ITGA5: variants seen among roughly 807,000 people sequenced by gnomAD.
ITGA5 encodes the protein integrin subunit alpha 5, also known as integrin alpha-5.
In ITGA5, 55 loss-of-function variants were observed where a neutral mutation model predicts 146.3. That is an observed-to-expected ratio of 0.38 (90% confidence interval 0.30 to 0.47). The LOEUF (loss-of-function observed/expected upper bound fraction) is 0.47, where lower values mean the gene tolerates loss of function less well. ITGA5 is among the 20% of genes least tolerant of loss of function. The probability of loss-of-function intolerance (pLI) is 0.99; values close to 1 mark genes in which losing one functional copy is unlikely to be tolerated. For synonymous variants in ITGA5, 500 were observed against 531.8 expected, an observed-to-expected ratio of 0.94 and a Z score of 0.82; for missense variants, 1,131 against 1,329.0, an observed-to-expected ratio of 0.85 and a Z score of 2.32.
At position 54,403,196 on chromosome 12, in the gene ITGA5, T is replaced by C; in HGVS notation, c.1905A>G (p.Ile635Met). Residue 635 changes from isoleucine (I) to methionine (M), a missense_variant, in exon 18 of 30, where the codon ATA becomes ATG. Physicochemically the swap from Ile to Met is conservative, Grantham distance 10 (BLOSUM62 1). This residue lies in a region of ITGA5 where 889 missense variants were observed against 1,021.5 expected (regional missense o/e 0.87). Transcript: ENST00000293379. This position sits in a 1 kb window ranked among gnomAD's most constrained non-coding sequence, Gnocchi z 4.9. ...CCTGCCCTGTCCTCACCTTGTCCTC[T>C]ATCCGGCTCTTGCTCTGATAATGTA... The part of the protein sequence containing the change: ...PALHYQSKSR[I>M]EDKAQILLDC... 9 of 1,559,324 alleles carry C rather than the reference T, an allele frequency of 5.8e-6. No homozygotes were observed. Among genetic ancestry groups the C allele is most frequent in the Non-Finnish European group, 7.8e-6 (9 of 1,154,016 alleles).
chr12:54,404,894 T>G lies in ITGA5; in HGVS notation c.1226A>C (p.Asp409Ala). 1 of 1,568,058 alleles carries G rather than the reference T, an allele frequency of 6.4e-7. No individual in the cohort carries two copies. Among genetic ancestry groups the G allele is most frequent in the South Asian group, 1.2e-5 (1 of 83,260 alleles). Residue 409 changes from aspartate to alanine, a missense_variant and splice_region_variant, in exon 13 of 30, where the codon GAT becomes GCT. Physicochemically the swap from Asp to Ala is moderately radical, Grantham distance 126. Around this residue, in one of 3 missense-constraint regions of ITGA5, gnomAD observed 889 missense variants for 1,021.5 expected, o/e 0.87. Transcript: ENST00000293379. ...LGDLDQDGYN[D>A]VAIGAPFGGE... is the part of the protein sequence containing the mutation. ...ACCAAAGGGAGCCCCGATGGCCACA[T>G]CTGGAAGACACAGAACACACACTAG... is the stretch of plus-strand genomic sequence containing the variant.
intron 13 of ITGA5, 56 bp downstream of exon 13, chr12:54,404,647 T>A: frequency 6.6e-7 from 1 of 1,525,308 alleles, no homozygotes; most frequent in South Asian, 1.1e-5. Context: ...GAAGAGAGAG[T>A]AGGGGTCAGT....
rs1447900283 is a variant in ITGA5 at position 54,403,294 on chromosome 12, G to A, written c.1807C>T (p.Pro603Ser). 10 of 1,542,752 alleles carry A rather than the reference G, an allele frequency of 6.5e-6. 1 individual carries two copies. In the South Asian group the frequency reaches 1.3e-4, roughly 19 times the overall value. ...NESEFRDKLS[P>S]IHIALNFSLD... The stretch of plus-strand genomic sequence containing the variant: ...GAGAAGTTGAGAGCGATGTGAATCG[G>A]CGAGAGTTTGTCTCGAAATTCTGAC... Residue 603 changes from proline to serine, a missense_variant, in exon 18 of 30, where the codon CCG becomes TCG. By Grantham distance (74) the Pro-to-Ser change is moderately conservative. Coordinates refer to ENST00000293379, the MANE Select transcript of ITGA5 (RefSeq NM_002205.5). This position sits in a 1 kb window ranked among gnomAD's most constrained non-coding sequence, Gnocchi z 4.9.
rs549987189 is a variant in ITGA5, at chr12:54,398,081, A to G, written c.2943+516T>C. Among the ~76,000 whole-genome samples the G allele has an allele frequency of 2.6e-5, 4 of 152,196 alleles. No homozygotes were observed. The East Asian group carries it at 7.7e-4, about 29-fold the overall frequency. On this transcript the variant is annotated intron_variant, in intron 28 of 29. Coordinates refer to ENST00000293379, the MANE Select transcript of ITGA5 (RefSeq NM_002205.5). Reference sequence around the variant, plus strand: ...TCTGGCTAATTTTTGTATTTTTTGTAGAGACAGGATCTCACTATGTTGCCC... The same window carrying G: ...TCTGGCTAATTTTTGTATTTTTTGTGGAGACAGGATCTCACTATGTTGCCC...
chr12:54,406,743 C>T (rs556674751), intron 9 of ITGA5, among the ~76,000 whole-genome samples: 1 of 152,324 alleles, frequency 6.6e-6, no homozygotes, highest in South Asian at 2.1e-4. Flanking sequence ...GCCCTCCTGC[C>T]TCATCTCTGC....
In ITGA5 at chr12:54,404,486, T is replaced by C. The variant is rs957352324; in HGVS notation, c.1418-11A>G. 6.2e-7 allele frequency: 1 copy of C among 1,613,912 alleles called. No homozygotes were observed. The highest frequency in any genetic ancestry group is 1.3e-5 in the African/African-American group (1 of 74,900). On this transcript the variant is annotated splice_polypyrimidine_tract_variant and intron_variant, in intron 13 of 29. Transcript: ENST00000293379. Reference sequence around the variant, plus strand: ...ACCCCACAATCAGATCTGTAAGAAGTCAAGAAATCACCTCTTACAGCAAGC... The same window carrying C: ...ACCCCACAATCAGATCTGTAAGAAGCCAAGAAATCACCTCTTACAGCAAGC...
rs531869637 is a variant in ITGA5, at chr12:54,398,070, G to A, written c.2943+527C>T. 9.9e-5 allele frequency among the ~76,000 whole-genome samples: 15 copies of A among 152,092 alleles called. No homozygotes were observed. In the South Asian group the frequency reaches 1.0e-3, roughly 11 times the overall value. On this transcript the variant is annotated intron_variant, in intron 28 of 29. Transcript: ENST00000293379. ...GCGCCACCACATCTGGCTAATTTTT[G>A]TATTTTTTGTAGAGACAGGATCTCA...
In ITGA5 at chr12:54,396,199, A is replaced by T. The variant is rs1955707190; in HGVS notation, c.*94T>A. ...GGAGAGGAGCTTCTCCCTGGCCGTC[A>T]GCACCTTCAAGAAGTACCCAGACCC... On this transcript the variant is annotated 3_prime_UTR_variant, in exon 30 of 30. Coordinates refer to ENST00000293379, the MANE Select transcript of ITGA5 (RefSeq NM_002205.5). 2 of 1,001,404 alleles carry T rather than the reference A, an allele frequency of 2.0e-6. No homozygotes were observed. The highest frequency in any genetic ancestry group is 3.9e-5 in the Admixed American group (2 of 50,640). 62.0% of individuals were successfully genotyped at this position (1,001,404 alleles called of 1,614,324 possible).
At chr12:54,398,108 G>A (rs1457419511) in intron 28 of ITGA5, among the ~76,000 whole-genome samples, 3 of 152,092 alleles carry the variant, frequency 2.0e-5, no homozygotes, top group African/African-American at 7.2e-5. Context: ...ATGTTGCCCA[G>A]GTTGATCTTG....
At position 54,404,250 on chromosome 12, in the gene ITGA5, C is replaced by T; in HGVS notation, c.1464-4G>A. The T allele has an allele frequency of 1.3e-6, 2 of 1,598,156 alleles. No individual in the cohort carries two copies. Among genetic ancestry groups the T allele is most frequent in the Non-Finnish European group, 8.5e-7 (1 of 1,172,474 alleles). On this transcript the variant is annotated splice_region_variant and splice_polypyrimidine_tract_variant and intron_variant, in intron 14 of 29. Coordinates refer to ENST00000293379, the MANE Select transcript of ITGA5 (RefSeq NM_002205.5). ...AGCGGACACGATGGGGCGGCCCCTG[C>T]CAAGAGTGAATGTGGGGTCAATAGA...
chr12:54,401,370 T>G lies in ITGA5; in HGVS notation c.2493+3A>C. 6.2e-7 allele frequency: 1 copy of G among 1,600,860 alleles called. No individual in the cohort carries two copies. The highest frequency in any genetic ancestry group is 1.7e-4 in the Middle Eastern group (1 of 6,018). ...ATTCTGGCCCTGCCCCTTCCCCCCT[T>G]ACCTCATAGACATGGTGGACAGCAG... On this transcript the variant is annotated splice_donor_region_variant and intron_variant, in intron 24 of 29. Coordinates refer to ENST00000293379, the MANE Select transcript of ITGA5 (RefSeq NM_002205.5). The surrounding 1 kb of genome is among the most constrained non-coding windows in gnomAD (Gnocchi z 5.0).
Position 54,401,751 on chromosome 12 carries a change from C to T in ITGA5, c.2306+25G>A. On this transcript the variant is annotated intron_variant, in intron 22 of 29. Transcript: ENST00000293379. The surrounding 1 kb of genome is among the most constrained non-coding windows in gnomAD (Gnocchi z 5.0). ...CTCCCTTCCGTCCCCAGCTCAGCCCCAGCCTAGACACACTCACTCCCTACC... is the reference window on the plus strand; with the variant it reads ...CTCCCTTCCGTCCCCAGCTCAGCCCTAGCCTAGACACACTCACTCCCTACC... 1.2e-6 allele frequency: 2 copies of T among 1,613,208 alleles called. No homozygotes were observed. The highest frequency in any genetic ancestry group is 1.7e-6 in the Non-Finnish European group (2 of 1,179,130).
Position 54,409,595 on chromosome 12 carries a change from A to C in ITGA5, c.352T>G (p.Ser118Ala), listed in dbSNP as rs752963953. ...GACAGTGAGGACTCCAGGAGCCGAG[A>C]GCCTTGTGGAAGTGAGAAGGGGGAG... ...CTPIEFDSKG[S>A]RLLESSLSSS... Residue 118 changes from serine (S) to alanine (A), a missense_variant and splice_region_variant, in exon 3 of 30, where the codon TCT (serine) becomes GCT (alanine). This residue lies in a region of ITGA5 where 175 missense variants were observed against 179.3 expected (regional missense o/e 0.98). Transcript: ENST00000293379. This position sits in a 1 kb window ranked among gnomAD's most constrained non-coding sequence, Gnocchi z 4.7. 6.2e-7 allele frequency: 1 copy of C among 1,608,318 alleles called. No homozygotes were observed. Among genetic ancestry groups the C allele is most frequent in the Non-Finnish European group, 8.5e-7 (1 of 1,176,602 alleles).
intron 28 of ITGA5, 87 bp downstream of exon 28, chr12:54,398,510 C>T (rs1445093404): frequency 3.3e-6 from 3 of 898,866 alleles, no homozygotes; most frequent in Non-Finnish European, 5.3e-6. Flanking sequence ...TTAACAATAC[C>T]AAGGCCAGCC....
Position 54,405,898 on chromosome 12 carries a change from C to T in ITGA5, c.935G>A (p.Arg312Gln), listed in dbSNP as rs200642938. Residue 312 changes from arginine to glutamine, a missense_variant, in exon 10 of 30, where the codon CGA becomes CAA. Coordinates refer to ENST00000293379, the MANE Select transcript of ITGA5 (RefSeq NM_002205.5). ...TTCCCCTGAGAAGTTGTAGAGGGATCGAATGTCTGAGCCATTAAGGATGGT... is the reference window on the plus strand; with the variant it reads ...TTCCCCTGAGAAGTTGTAGAGGGATTGAATGTCTGAGCCATTAAGGATGGT... ...YVTILNGSDIRSLYNFSGEQM... is the reference protein window; with the variant it reads ...YVTILNGSDIQSLYNFSGEQM... 4,461 of 1,613,928 alleles carry T rather than the reference C, an allele frequency of 2.8e-3. 130 individuals are homozygous for T. In the South Asian group the frequency reaches 0.046, roughly 17 times the overall value.
chr12:54,416,413 C>T lies in ITGA5; in HGVS notation c.218+2568G>A, dbSNP rs1592295227. ...TCTAAAAATGGGGCAATAATGCTTC[C>T]TTTGCTTTAACACAAGGATTTTTGT... is the stretch of plus-strand genomic sequence containing the variant. On this transcript the variant is annotated intron_variant, in intron 1 of 29. Coordinates refer to ENST00000293379, the MANE Select transcript of ITGA5 (RefSeq NM_002205.5). This position sits in a 1 kb window ranked among gnomAD's most constrained non-coding sequence, Gnocchi z 4.1. Among the ~76,000 whole-genome samples, 3 of 152,320 alleles carry T rather than the reference C, an allele frequency of 2.0e-5. No homozygotes were observed. The highest frequency in any genetic ancestry group is 2.0e-4 in the Admixed American group (3 of 15,306).
intron 1 of ITGA5, among the ~76,000 whole-genome samples, chr12:54,417,046 G>T (rs1956015747): frequency 6.6e-6 from 1 of 152,072 alleles, no homozygotes; most frequent in Non-Finnish European, 1.5e-5. Context: ...CTGTAAGAGG[G>T]TATTGTAAAT....
chr12:54,397,160 G>A (rs1955721248), intron 29 of ITGA5: 2 of 459,594 alleles, frequency 4.4e-6, no homozygotes, highest in Non-Finnish European at 7.8e-6. Flanking sequence ...ATCATCTTGA[G>A]TCAAGAGGAC....
At chr12:54,404,049 A>G (rs1244674664) in intron 15 of ITGA5, 83 bp from the exon 16 acceptor site, 2 of 1,568,180 alleles carry the variant, frequency 1.3e-6, no homozygotes, top group Non-Finnish European at 1.8e-6. Flanking sequence ...CCAGACCCAG[A>G]CTAGGACACC....
Sources: allele counts gnomAD v4.1 joint callset (sites outside exome capture counted in the v4.1 genomes callset), GRCh38; gene constraint gnomAD v4.1.1; regional missense constraint gnomAD v4.1.1; non-coding constraint Gnocchi (gnomAD v3.1); transcripts MANE v1.5; gene names NCBI Gene and HGNC (gene_info 2026-07-23, HGNC 2026-07-21).